ZNF423: variants seen among roughly 807,000 people sequenced by gnomAD.
ZNF423 encodes the protein Ebf-associated zinc finger protein.
A neutral mutation model predicts 95.8 loss-of-function variants in ZNF423; 12 were observed. The observed-to-expected ratio is 0.13, with a 90% confidence interval of 0.08 to 0.20. The LOEUF is 0.20. ZNF423 is among the 10% of genes least tolerant of loss of function. The probability of loss-of-function intolerance (pLI) is 1.00; values close to 1 mark genes in which losing one functional copy is unlikely to be tolerated. For synonymous variants in ZNF423, 749 were observed against 711.9 expected (o/e 1.05, Z -0.83); for missense variants, 1,316 against 1,737.1 (o/e 0.76, Z 4.31).
chr16:49,809,310 G>C (rs569436470), intron 1 of ZNF423, among the ~76,000 whole-genome samples: 2 of 152,206 alleles, frequency 1.3e-5, no homozygotes, highest in Non-Finnish European at 2.9e-5. Flanking sequence ...GGCAGGGGCC[G>C]GCCCGGCCCT....
chr16:49,561,377 A>G (rs889996167), intron 5 of ZNF423, among the ~76,000 whole-genome samples: 1 of 152,228 alleles, frequency 6.6e-6, no homozygotes, highest in Non-Finnish European at 1.5e-5. Flanking sequence ...ATAGATGTAT[A>G]GAGGCATATA....
intron 1 of ZNF423, among the ~76,000 whole-genome samples, chr16:49,828,955 C>G (rs527416835): frequency 1.3e-5 from 2 of 152,338 alleles, no homozygotes; most frequent in African/African-American, 2.4e-5. Context: ...CCACTCGCCT[C>G]CTGGTCTGAT....
intron 5 of ZNF423, among the ~76,000 whole-genome samples, chr16:49,539,394 C>T (rs1013258115): frequency 2.0e-5 from 3 of 152,118 alleles, no homozygotes; most frequent in Non-Finnish European, 2.9e-5. Context: ...ATTTGCTCAT[C>T]GGCTGCATTC....
rs777302963 is a variant in ZNF423 at position 49,525,606 on chromosome 16, C to T, written c.3602-112G>A. On this transcript the variant is annotated intron_variant, in intron 5 of 7. Coordinates refer to ENST00000563137, the MANE Select transcript of ZNF423 (RefSeq NM_001379286.1). ...CTAACCCCCCTCCAATCCCCAGCAC[C>T]GGGGCTGGTGAAGGGACTGCAGACA... 332 of 1,474,782 alleles carry T rather than the reference C, an allele frequency of 2.3e-4. No individual in the cohort carries two copies. The Middle Eastern group carries it at 5.2e-3, about 23-fold the overall frequency. The allele number at this position is 1,474,782 out of a possible 1,614,324, so 91.4% of individuals were successfully genotyped here. A position where few individuals can be genotyped will look rare whatever the true frequency, so the allele number is the denominator to read the frequency against.
intron 2 of ZNF423, among the ~76,000 whole-genome samples, chr16:49,754,800 GA>G (rs2033695193): frequency 6.6e-6 from 1 of 152,174 alleles, no homozygotes; most frequent in Admixed American, 6.5e-5. Context: ...CGGAAGGAAA[GA>G]AAAAACTTTT....
intron 2 of ZNF423, among the ~76,000 whole-genome samples, chr16:49,783,580 G>A (rs535733593): frequency 7.2e-6 from 1 of 139,100 alleles, no homozygotes; most frequent in South Asian, 2.5e-4. Flanking sequence ...AAAGAGGGGG[G>A]GTTAGGTGTA....
intron 5 of ZNF423, among the ~76,000 whole-genome samples, chr16:49,604,341 C>A (rs1247244813): frequency 1.3e-5 from 2 of 152,156 alleles, no homozygotes; most frequent in African/African-American, 4.8e-5. Context: ...ACCCACACCT[C>A]CCCTAGCCCT....
intron 1 of ZNF423, among the ~76,000 whole-genome samples, chr16:49,807,038 A>C (rs1264817054): frequency 6.6e-6 from 1 of 152,036 alleles, no homozygotes; most frequent in Non-Finnish European, 1.5e-5. Context: ...AAAAAAAAAA[A>C]AAAAGTGCAC....
intron 2 of ZNF423, among the ~76,000 whole-genome samples, chr16:49,763,820 T>C (rs1019358398): frequency 3.9e-5 from 6 of 152,160 alleles, no homozygotes; most frequent in African/African-American, 1.4e-4. Flanking sequence ...CATGTCACCA[T>C]GAACAAACAG....
rs1405063689 is a variant in ZNF423 at position 49,636,906 on chromosome 16, A to T, written c.2270T>A (p.Met757Lys). 1 of 1,613,768 alleles carries T rather than the reference A, an allele frequency of 6.2e-7. No individual in the cohort carries two copies. Among genetic ancestry groups the T allele is most frequent in the African/African-American group, 1.3e-5 (1 of 74,904 alleles). Reference sequence around the variant, plus strand: ...CCAGTTGCAGGCCGTGCAGCGGTACATCTTCTTCTCATTGCTGTGCTTCAC... The same window carrying T: ...CCAGTTGCAGGCCGTGCAGCGGTACTTCTTCTTCTCATTGCTGTGCTTCAC... Reference protein sequence around the residue: ...LAVKHSNEKKMYRCTACNWDF... With the variant: ...LAVKHSNEKKKYRCTACNWDF... The change falls in exon 4 of 8, where the codon ATG (methionine) becomes AAG (lysine). Residue 757 changes from methionine (M) to lysine (K), a missense_variant. Physicochemically the swap from Met to Lys is moderately conservative, Grantham distance 95. Around this residue, in one of 6 missense-constraint regions of ZNF423, gnomAD observed 620 missense variants for 775.6 expected, o/e 0.80. Coordinates refer to ENST00000563137, the MANE Select transcript of ZNF423 (RefSeq NM_001379286.1). This position sits in a 1 kb window ranked among gnomAD's most constrained non-coding sequence, Gnocchi z 8.6.
Position 49,619,734 on chromosome 16 carries a change from T to C in ZNF423, c.3601+6436A>G, listed in dbSNP as rs80008696. On this transcript the variant is annotated intron_variant, in intron 5 of 7. Transcript: ENST00000563137. Reference sequence around the variant, plus strand: ...ATTAAGGTTAGACAGATGTTTTGGGTCTGGTGTTACCTGAATCAAAAGCAC... The same window carrying C: ...ATTAAGGTTAGACAGATGTTTTGGGCCTGGTGTTACCTGAATCAAAAGCAC... Among the ~76,000 whole-genome samples the C allele has an allele frequency of 5.5e-3, 831 of 152,304 alleles. 5 individuals are homozygous for C. The highest frequency in any genetic ancestry group is 0.019 in the African/African-American group (802 of 41,562).
chr16:49,797,992 T>TTGGCAGAACAGTGAGCCAAGGCAGAACAG (rs2034525540), intron 1 of ZNF423, among the ~76,000 whole-genome samples: 1 of 152,218 alleles, frequency 6.6e-6, no homozygotes, highest in African/African-American at 2.4e-5. Flanking sequence ...GGACGATTGC[T>TTGGCAGAACAGTGAGCCAAGGCAGAACAG]TGAGCCAAGG....
At chr16:49,660,137 C>T (rs1181336158) in intron 3 of ZNF423, among the ~76,000 whole-genome samples, 1 of 152,218 alleles carries the variant, frequency 6.6e-6, no homozygotes, top group Non-Finnish European at 1.5e-5. Flanking sequence ...TTCTGATAAG[C>T]CCTGGATTCC....
chr16:49,712,215 G>A (rs1254410364), intron 3 of ZNF423, among the ~76,000 whole-genome samples: 1 of 152,206 alleles, frequency 6.6e-6, no homozygotes, highest in Non-Finnish European at 1.5e-5. Flanking sequence ...GGCCTTCTCT[G>A]CTCCTCACTT....
intron 7 of ZNF423, among the ~76,000 whole-genome samples, chr16:49,497,052 AT>A (rs1006809530): frequency 1.3e-5 from 2 of 151,844 alleles, no homozygotes; most frequent in African/African-American, 4.8e-5. Flanking sequence ...CCTCCCCATA[AT>A]CCCCCCTGGC....
intron 3 of ZNF423, among the ~76,000 whole-genome samples, chr16:49,690,841 G>C (rs910638814): frequency 2.6e-5 from 4 of 152,240 alleles, no homozygotes; most frequent in African/African-American, 9.6e-5. Flanking sequence ...TGGAAACAAG[G>C]AGATGGCAGG....
intron 3 of ZNF423, among the ~76,000 whole-genome samples, chr16:49,702,619 C>A (rs1259174683): frequency 6.6e-6 from 1 of 152,294 alleles, no homozygotes; most frequent in East Asian, 1.9e-4. Flanking sequence ...GGGAGGGGGT[C>A]AGAACAAGGG....
intron 1 of ZNF423, among the ~76,000 whole-genome samples, chr16:49,842,840 G>A (rs781565361): frequency 2.6e-5 from 4 of 151,922 alleles, no homozygotes; most frequent in Non-Finnish European, 2.9e-5. Context: ...TTAGCCGGGC[G>A]TACTGGCATG....
chr16:49,679,286 G>A (rs1005467070), intron 3 of ZNF423, among the ~76,000 whole-genome samples: 5 of 152,220 alleles, frequency 3.3e-5, no homozygotes, highest in African/African-American at 1.2e-4. Flanking sequence ...TGGAGCTGGC[G>A]GGAGCCGGAA....
Sources: gnomAD v4.1 joint callset for allele counts (sites outside exome capture counted in the v4.1 genomes callset) on GRCh38, gnomAD v4.1.1 for gene constraint, gnomAD v4.1.1 regional missense constraint, Gnocchi (gnomAD v3.1) non-coding constraint, MANE v1.5 for transcripts, NCBI Gene and HGNC (gene_info 2026-07-23, HGNC 2026-07-21) for gene names.